FAM163B: variants seen among roughly 807,000 people sequenced by gnomAD.
FAM163B encodes family with sequence similarity 163 member B.
Under a neutral mutation model 7.6 loss-of-function variants are expected in FAM163B, and 4 were observed. That is an observed-to-expected ratio of 0.52 (90% CI 0.26 to 1.20). The LOEUF (loss-of-function observed/expected upper bound fraction) is 1.20, where lower values mean the gene tolerates loss of function less well. FAM163B is among the 50% of genes most tolerant of loss of function. The pLI is 0.14. For synonymous variants in FAM163B, 120 were observed against 111.6 expected (o/e 1.07, Z -0.47); for missense variants, 250 against 243.0 (o/e 1.03, Z -0.19).
intron 1 of FAM163B, among the ~76,000 whole-genome samples, chr9:133,596,522 A>C (rs1247232199): frequency 6.6e-6 from 1 of 152,076 alleles, no homozygotes; most frequent in Non-Finnish European, 1.5e-5. Context: ...CCAGTGATGA[A>C]GGAAAGCACT....
intron 1 of FAM163B, among the ~76,000 whole-genome samples, chr9:133,589,099 T>C (rs932339738): frequency 7.2e-5 from 11 of 152,076 alleles, no homozygotes; most frequent in Non-Finnish European, 1.0e-4. Flanking sequence ...CCCCGGAAAA[T>C]ACCCCCTGGG....
At chr9:133,590,638 C>A (rs1298960353) in intron 1 of FAM163B, among the ~76,000 whole-genome samples, 5 of 152,216 alleles carry the variant, frequency 3.3e-5, no homozygotes, top group African/African-American at 1.2e-4. Flanking sequence ...GCTGACTCAG[C>A]CTTACGGACA....
In FAM163B at chr9:133,592,391, G is replaced by A. The variant is rs551259328; in HGVS notation, c.-23-12145C>T. Among the ~76,000 whole-genome samples the A allele has an allele frequency of 2.5e-4, 38 of 152,310 alleles. No homozygotes were observed. The South Asian group carries it at 7.0e-3, about 28-fold the overall frequency. On this transcript the variant is annotated intron_variant, in intron 1 of 2. Coordinates refer to ENST00000673969, the MANE Select transcript of FAM163B (RefSeq NM_001080515.3). ...CTCAGAATTGAGCTTGCCCCTGGGC[G>A]GCCTGAGAGGGAGGCCGAGGGTGTG...
intron 1 of FAM163B, among the ~76,000 whole-genome samples, chr9:133,599,311 C>T (rs1831678297): frequency 1.3e-5 from 2 of 152,216 alleles, no homozygotes; most frequent in Non-Finnish European, 2.9e-5. Flanking sequence ...TTGCTGCTCG[C>T]CCAGGCCTCC....
intron 1 of FAM163B, among the ~76,000 whole-genome samples, chr9:133,586,871 CTG>C (rs919279560): frequency 4.0e-5 from 6 of 151,516 alleles, no homozygotes; most frequent in African/African-American, 9.7e-5. Context: ...TTGCGGGACT[CTG>C]TGCATTCATC....
chr9:133,582,678 G>A (rs982868954), intron 1 of FAM163B, among the ~76,000 whole-genome samples: 23 of 152,362 alleles, frequency 1.5e-4, no homozygotes, highest in Middle Eastern at 3.4e-3. Flanking sequence ...GCCCTCTGCT[G>A]CTGTCCTTTC....
chr9:133,590,660 ACT>A (rs1427243276), intron 1 of FAM163B, among the ~76,000 whole-genome samples: 2 of 151,900 alleles, frequency 1.3e-5, no homozygotes, highest in African/African-American at 2.4e-5. Flanking sequence ...GAGCAGGTGG[ACT>A]CTCTGCTCAG....
intron 1 of FAM163B, among the ~76,000 whole-genome samples, chr9:133,587,448 C>T (rs1831457751): frequency 1.3e-5 from 2 of 152,220 alleles, no homozygotes; most frequent in Non-Finnish European, 2.9e-5. Context: ...TGTCTGCCAA[C>T]CTCAGGAACC....
intron 1 of FAM163B, among the ~76,000 whole-genome samples, chr9:133,587,105 G>A (rs977817344): frequency 3.9e-5 from 6 of 152,332 alleles, no homozygotes; most frequent in Admixed American, 1.3e-4. Flanking sequence ...AAAGCCGACC[G>A]GACAGATGCC....
intron 1 of FAM163B, among the ~76,000 whole-genome samples, chr9:133,582,861 T>C (rs1588322325): frequency 1.3e-5 from 2 of 151,604 alleles, no homozygotes; most frequent in South Asian, 4.2e-4. Flanking sequence ...ACGGGTGGGG[T>C]TTTCAGCCAC....
intron 1 of FAM163B, among the ~76,000 whole-genome samples, chr9:133,581,935 C>T (rs1185970727): frequency 6.6e-6 from 1 of 152,224 alleles, no homozygotes; most frequent in African/African-American, 2.4e-5. Context: ...TGTTACTTCA[C>T]TAGGAGTTAC....
At chr9:133,605,097 G>A (rs1340441411) in intron 1 of FAM163B, among the ~76,000 whole-genome samples, 6 of 152,216 alleles carry the variant, frequency 3.9e-5, no homozygotes, top group East Asian at 1.9e-4. Context: ...TGTGGGCCCC[G>A]AGGCCACCTT....
intron 1 of FAM163B, among the ~76,000 whole-genome samples, chr9:133,584,117 A>C (rs1248217086): frequency 6.6e-6 from 1 of 151,958 alleles, no homozygotes; most frequent in African/African-American, 2.4e-5. Context: ...GCCTTCCTGA[A>C]CTTTAATACA....
At chr9:133,593,497 T>C (rs1831586011) in intron 1 of FAM163B, among the ~76,000 whole-genome samples, 1 of 152,114 alleles carries the variant, frequency 6.6e-6, no homozygotes. Context: ...AGTGTGCTTA[T>C]ACCTGTTGCT....
At chr9:133,589,932 G>A (rs906904490) in intron 1 of FAM163B, among the ~76,000 whole-genome samples, 2 of 152,058 alleles carry the variant, frequency 1.3e-5, no homozygotes, top group Non-Finnish European at 2.9e-5. Context: ...GAAAACCCCG[G>A]GCAAGTCCCA....
At chr9:133,595,530 C>T (rs753438957) in intron 1 of FAM163B, among the ~76,000 whole-genome samples, 2 of 152,158 alleles carry the variant, frequency 1.3e-5, no homozygotes, top group Non-Finnish European at 2.9e-5. Context: ...GGGCTGTAGC[C>T]CTTGGCTTCT....
At chr9:133,589,313 C>T (rs1831499558) in intron 1 of FAM163B, among the ~76,000 whole-genome samples, 1 of 152,192 alleles carries the variant, frequency 6.6e-6, no homozygotes, top group South Asian at 2.1e-4. Flanking sequence ...CCAATGTCTC[C>T]TTCAATTGCC....
At chr9:133,595,105 G>C (rs549807467) in intron 1 of FAM163B, among the ~76,000 whole-genome samples, 1 of 152,166 alleles carries the variant, frequency 6.6e-6, no homozygotes, top group African/African-American at 2.4e-5. Flanking sequence ...AACGTGCATC[G>C]AGTAGCCTGG....
At position 133,578,917 on chromosome 9, in the gene FAM163B, G is replaced by T; in HGVS notation, c.*105C>A. 3 of 1,434,156 alleles carry T rather than the reference G, an allele frequency of 2.1e-6. No homozygotes were observed. Among genetic ancestry groups the T allele is most frequent in the East Asian group, 5.0e-5 (2 of 39,912 alleles). 88.8% of individuals were successfully genotyped at this position (1,434,156 alleles called of 1,614,324 possible). ...CCCTGAGGACAGGGATTCCAGGAGG[G>T]CTCAGCCAAGCCCCACTTGGGGCCT... On this transcript the variant is annotated 3_prime_UTR_variant, in exon 3 of 3. Coordinates refer to ENST00000673969, the MANE Select transcript of FAM163B (RefSeq NM_001080515.3).
Sources: allele counts gnomAD v4.1 joint callset (sites outside exome capture counted in the v4.1 genomes callset), GRCh38; gene constraint gnomAD v4.1.1; transcripts MANE v1.5; gene names NCBI Gene and HGNC (gene_info 2026-07-23, HGNC 2026-07-21).